NRXN3: variants seen among roughly 807,000 people sequenced by gnomAD.
NRXN3 encodes the protein neurexin 3.
Under a neutral mutation model 137.6 loss-of-function variants are expected in NRXN3, and 32 were observed. The observed-to-expected ratio is 0.23, with a 90% CI of 0.18 to 0.31. NRXN3 has a LOEUF of 0.31. NRXN3 is among the 10% of genes least tolerant of loss of function. The pLI is 1.00. For synonymous variants in NRXN3, 798 were observed against 784.5 expected, an observed-to-expected ratio of 1.02 and a Z score of -0.29; for missense variants, 1,574 against 2,062.5, an observed-to-expected ratio of 0.76 and a Z score of 4.59.
chr14:78,536,430 TG>T (rs2096535993), intron 4 of NRXN3, among the ~76,000 whole-genome samples: 1 of 152,190 alleles, frequency 6.6e-6, no homozygotes. Flanking sequence ...AACTAAGGCA[TG>T]GGGCTACTCT....
intron 8 of NRXN3, among the ~76,000 whole-genome samples, chr14:78,794,958 G>T (rs1027224646): frequency 1.3e-5 from 2 of 151,824 alleles, no homozygotes; most frequent in Non-Finnish European, 2.9e-5. Context: ...GTAGCCAGGT[G>T]TGGTGGTGCT....
intron 4 of NRXN3, among the ~76,000 whole-genome samples, chr14:78,460,517 T>C (rs2094892269): frequency 6.6e-6 from 1 of 152,140 alleles, no homozygotes. Flanking sequence ...ATGCCAGAAA[T>C]GGCATTTTGG....
Position 79,861,494 on chromosome 14 carries a change from T to A in NRXN3, c.4246T>A (p.Ser1416Thr). 1 of 1,538,728 alleles carries A rather than the reference T, an allele frequency of 6.5e-7. No individual in the cohort carries two copies. The highest frequency in any genetic ancestry group is 1.4e-5 in the African/African-American group (1 of 73,172). The change falls in exon 21 of 21, where the codon TCC becomes ACC. Residue 1416 changes from serine to threonine, a missense_variant. Ser to Thr is a moderately conservative substitution (Grantham distance 58, BLOSUM62 1). Coordinates refer to ENST00000335750, the MANE Select transcript of NRXN3 (RefSeq NM_001330195.2). The surrounding 1 kb of genome is among the most constrained non-coding windows in gnomAD (Gnocchi z 5.4). The stretch of plus-strand genomic sequence containing the variant: ...TGAGCTGATCCGCTTCACAGCTTCC[T>A]CCTCGTCTGGGATGGTGCCCAAATT... The part of the protein sequence containing the change: ...SPELIRFTAS[S>T]SSGMVPKLPA...
chr14:78,321,577 T>A (rs767583564), intron 4 of NRXN3, among the ~76,000 whole-genome samples: 1 of 152,072 alleles, frequency 6.6e-6, no homozygotes, highest in Non-Finnish European at 1.5e-5. Context: ...GGATTTAGTT[T>A]ATTCTTGCTA....
intron 15 of NRXN3, among the ~76,000 whole-genome samples, chr14:79,369,582 A>G (rs1449685199): frequency 6.6e-6 from 1 of 152,132 alleles, no homozygotes; most frequent in Non-Finnish European, 1.5e-5. Flanking sequence ...CTAATATCCC[A>G]CTTACATCCT....
At chr14:79,437,220 A>C (rs142750454) in intron 15 of NRXN3, among the ~76,000 whole-genome samples, 1 of 152,006 alleles carries the variant, frequency 6.6e-6, no homozygotes, top group East Asian at 1.9e-4. Context: ...ATGGTGTTTT[A>C]TACCTCAGCG....
chr14:78,933,189 T>A (rs1269625954), intron 10 of NRXN3, among the ~76,000 whole-genome samples: 1 of 152,226 alleles, frequency 6.6e-6, no homozygotes, highest in African/African-American at 2.4e-5. Context: ...ATGTCATCCT[T>A]TTTGACTTTC....
intron 15 of NRXN3, among the ~76,000 whole-genome samples, chr14:79,199,200 T>C (rs572370496): frequency 6.6e-6 from 1 of 152,234 alleles, no homozygotes; most frequent in African/African-American, 2.4e-5. Context: ...GACTTCTTTC[T>C]TTCCCTTCTT....
At chr14:79,109,849 A>G (rs1038633395) in intron 15 of NRXN3, among the ~76,000 whole-genome samples, 1 of 152,142 alleles carries the variant, frequency 6.6e-6, no homozygotes, top group Non-Finnish European at 1.5e-5. Flanking sequence ...CCCAGTACCT[A>G]CAATAAAGCA....
At chr14:79,241,088 C>A (rs2074211342) in intron 15 of NRXN3, among the ~76,000 whole-genome samples, 1 of 152,060 alleles carries the variant, frequency 6.6e-6, no homozygotes. Flanking sequence ...TTCCAAAGAA[C>A]CTGTAGTTAA....
At chr14:78,558,224 C>T (rs1231735377) in intron 4 of NRXN3, among the ~76,000 whole-genome samples, 2 of 152,162 alleles carry the variant, frequency 1.3e-5, no homozygotes, top group East Asian at 3.9e-4. Context: ...AAACAAGAGA[C>T]CCAAACATGT....
At position 79,868,273 on chromosome 14, in the gene NRXN3, C is replaced by T. The variant is rs1017061025; in HGVS notation, c.*6309C>T. 1 of 152,130 alleles carries T rather than the reference C, an allele frequency of 6.6e-6. No homozygotes were observed. The highest frequency in any genetic ancestry group is 2.1e-4 in the South Asian group (1 of 4,832). The allele number at this position is 152,130 out of a possible 1,614,324, so 9.4% of individuals were successfully genotyped here. Reference sequence around the variant, plus strand: ...CAGGACCAAAAAGTTAATAAAAATACGAAAGTTTGGCACTCTTAGTTTTTC... The same window carrying T: ...CAGGACCAAAAAGTTAATAAAAATATGAAAGTTTGGCACTCTTAGTTTTTC... On this transcript the variant is annotated 3_prime_UTR_variant, in exon 21 of 21. Transcript: ENST00000335750.
At chr14:78,357,983 A>G (rs2084575568) in intron 4 of NRXN3, among the ~76,000 whole-genome samples, 1 of 152,154 alleles carries the variant, frequency 6.6e-6, no homozygotes, top group South Asian at 2.1e-4. Context: ...ATCCCATAGA[A>G]AGGCTGCAGA....
chr14:79,793,607 C>G (rs748916309), intron 19 of NRXN3, among the ~76,000 whole-genome samples: 1 of 152,028 alleles, frequency 6.6e-6, no homozygotes, highest in Non-Finnish European at 1.5e-5. Flanking sequence ...TTTGTGGAAA[C>G]CAATGCAAAA....
At chr14:79,765,333 A>G (rs557720448) in intron 19 of NRXN3, among the ~76,000 whole-genome samples, 1 of 152,216 alleles carries the variant, frequency 6.6e-6, no homozygotes, top group African/African-American at 2.4e-5. Context: ...GCCTATCCAA[A>G]TCTTGCAAAC....
At chr14:79,672,216 AAAG>A (rs1006093516) in intron 17 of NRXN3, among the ~76,000 whole-genome samples, 5 of 152,208 alleles carry the variant, frequency 3.3e-5, no homozygotes, top group African/African-American at 1.2e-4. Flanking sequence ...CTTGGGATTT[AAAG>A]AAGAAGTTGG....
intron 16 of NRXN3, among the ~76,000 whole-genome samples, chr14:79,548,878 T>G (rs1002424927): frequency 2.0e-5 from 3 of 152,132 alleles, no homozygotes; most frequent in Non-Finnish European, 4.4e-5. Context: ...GCACAGACAT[T>G]GCACTGCACA....
chr14:78,832,484 A>T (rs1051189066), intron 10 of NRXN3, among the ~76,000 whole-genome samples: 1 of 152,184 alleles, frequency 6.6e-6, no homozygotes, highest in African/African-American at 2.4e-5. Context: ...AGGCTAAGTA[A>T]GCATGAAAGT....
intron 10 of NRXN3, among the ~76,000 whole-genome samples, chr14:78,814,391 C>A (rs2098924941): frequency 1.3e-5 from 2 of 152,072 alleles, no homozygotes; most frequent in African/African-American, 4.8e-5. Context: ...CCGAGGTAGG[C>A]AGATTACGAG....
Sources: gnomAD v4.1 joint callset for allele counts (sites outside exome capture counted in the v4.1 genomes callset) on GRCh38, gnomAD v4.1.1 for gene constraint, Gnocchi (gnomAD v3.1) non-coding constraint, MANE v1.5 for transcripts, NCBI Gene and HGNC (gene_info 2026-07-23, HGNC 2026-07-21) for gene names.